WASL: variants seen among roughly 807,000 people sequenced by gnomAD.
WASL encodes WASP like actin nucleation promoting factor.
In WASL, 20 loss-of-function variants were observed where a neutral mutation model predicts 55.5. That is an observed-to-expected ratio of 0.36 (90% CI 0.25 to 0.52). The LOEUF is 0.52. Among genes scored for constraint, WASL ranks in the 20% least tolerant of loss-of-function variants. The probability of loss-of-function intolerance (pLI) is 0.92; values close to 1 mark genes in which losing one functional copy is unlikely to be tolerated. For synonymous variants in WASL, 249 were observed against 217.6 expected (o/e 1.14, Z -1.27); for missense variants, 504 against 622.5 (o/e 0.81, Z 2.03).
chr7:123,703,349 G>C (rs1351089937), intron 5 of WASL, among the ~76,000 whole-genome samples: 1 of 152,094 alleles, frequency 6.6e-6, no homozygotes, highest in Non-Finnish European at 1.5e-5. Context: ...GAGATAATAG[G>C]AGCTACTTCA....
intron 1 of WASL, among the ~76,000 whole-genome samples, chr7:123,715,045 C>T (rs964104692): frequency 2.0e-5 from 3 of 152,116 alleles, no homozygotes; most frequent in African/African-American, 7.2e-5. Context: ...TAAAGTAATA[C>T]AAAACACAGC....
chr7:123,713,764 T>A (rs1803796653), intron 1 of WASL, among the ~76,000 whole-genome samples: 1 of 152,186 alleles, frequency 6.6e-6, no homozygotes, highest in Non-Finnish European at 1.5e-5. Context: ...CCTTGAACAA[T>A]ATGGGTTTGA....
At chr7:123,706,041 C>T (rs1207771526) in intron 4 of WASL, among the ~76,000 whole-genome samples, 1 of 151,988 alleles carries the variant, frequency 6.6e-6, no homozygotes, top group Non-Finnish European at 1.5e-5. Context: ...TAAGGACCAC[C>T]AAATTTTTTT....
At chr7:123,692,260 C>T (rs949609277) in intron 9 of WASL, 87 bp downstream of exon 9, 4 of 1,479,634 alleles carry the variant, frequency 2.7e-6, no homozygotes, top group African/African-American at 2.9e-5. Flanking sequence ...AAAAAGAATA[C>T]ACTTTTCAAA....
At chr7:123,699,933 T>A (rs1321677407) in intron 5 of WASL, among the ~76,000 whole-genome samples, 1 of 151,966 alleles carries the variant, frequency 6.6e-6, no homozygotes, top group East Asian at 1.9e-4. Context: ...TCCCAGCACT[T>A]TGGGAGGCCG....
intron 6 of WASL, 44 bp from the exon 7 acceptor site, chr7:123,695,909 A>C (rs763230457): frequency 1.9e-6 from 3 of 1,575,818 alleles, no homozygotes; most frequent in Non-Finnish European, 2.6e-6. Context: ...AAAATGCATA[A>C]AGGGCATTAT....
At chr7:123,691,771 C>A (rs1473054803) in intron 9 of WASL, among the ~76,000 whole-genome samples, 2 of 152,170 alleles carry the variant, frequency 1.3e-5, no homozygotes, top group East Asian at 3.8e-4. Flanking sequence ...ACAACTCTTT[C>A]AATTTTTTTG....
At chr7:123,703,373 C>CA (rs1235403186) in intron 5 of WASL, among the ~76,000 whole-genome samples, 1 of 152,176 alleles carries the variant, frequency 6.6e-6, no homozygotes, top group East Asian at 1.9e-4. Flanking sequence ...GGTTGCTGTA[C>CA]AGTGCCTGGC....
chr7:123,714,318 T>C (rs2116796153), intron 1 of WASL, among the ~76,000 whole-genome samples: 1 of 152,258 alleles, frequency 6.6e-6, no homozygotes, highest in South Asian at 2.1e-4. Context: ...TCTTATCACC[T>C]GGTAATTTCT....
intron 10 of WASL, among the ~76,000 whole-genome samples, chr7:123,685,955 T>C (rs1215806138): frequency 1.3e-5 from 2 of 149,350 alleles, no homozygotes; most frequent in East Asian, 1.9e-4. Context: ...GGCTGAGTAA[T>C]TGTACTTGAT....
intron 10 of WASL, among the ~76,000 whole-genome samples, chr7:123,685,580 T>C (rs933281358): frequency 6.6e-6 from 1 of 152,028 alleles, no homozygotes; most frequent in African/African-American, 2.4e-5. Context: ...CATTTTACTT[T>C]CCTCATATCA....
intron 1 of WASL, among the ~76,000 whole-genome samples, chr7:123,721,378 T>C (rs1159487017): frequency 2.0e-5 from 3 of 152,168 alleles, no homozygotes; most frequent in Non-Finnish European, 4.4e-5. Flanking sequence ...TTGAGAGCCA[T>C]TTTATTTAAA....
At chr7:123,741,462 T>C (rs1007809682) in intron 1 of WASL, among the ~76,000 whole-genome samples, 1 of 152,196 alleles carries the variant, frequency 6.6e-6, no homozygotes, top group Non-Finnish European at 1.5e-5. Context: ...TAACAATGTA[T>C]ATCCTATTAC....
chr7:123,702,492 G>A (rs1803608006), intron 5 of WASL, among the ~76,000 whole-genome samples: 1 of 152,142 alleles, frequency 6.6e-6, no homozygotes, highest in Admixed American at 6.5e-5. Flanking sequence ...TTTTATAAAT[G>A]TTCAGCCCTC....
intron 2 of WASL, 78 bp from the exon 3 acceptor site, chr7:123,706,904 T>C: frequency 1.3e-6 from 1 of 793,164 alleles, no homozygotes; most frequent in South Asian, 2.1e-5. Flanking sequence ...ATGACTCATA[T>C]TAAGAAAACT....
Position 123,684,501 on chromosome 7 carries a change from A to T in WASL, c.*18T>A. Reference sequence around the variant, plus strand: ...AGTATTTCACCTTAAAAATATATATATATATATAATATATAGATCAGTCTT... The same window carrying T: ...AGTATTTCACCTTAAAAATATATATTTATATATAATATATAGATCAGTCTT... On this transcript the variant is annotated 3_prime_UTR_variant, in exon 11 of 11. Coordinates refer to ENST00000223023, the MANE Select transcript of WASL (RefSeq NM_003941.4). The T allele has an allele frequency of 1.7e-6, 1 of 578,260 alleles. No individual in the cohort carries two copies. The highest frequency in any genetic ancestry group is 2.8e-6 in the Non-Finnish European group (1 of 359,296). The allele number at this position is 578,260 out of a possible 1,614,324, so 35.8% of individuals were successfully genotyped here. A position where few individuals can be genotyped will look rare whatever the true frequency, so the allele number is the denominator to read the frequency against.
intron 1 of WASL, among the ~76,000 whole-genome samples, chr7:123,727,018 A>G (rs1463093573): frequency 1.3e-5 from 2 of 152,188 alleles, no homozygotes; most frequent in Non-Finnish European, 1.5e-5. Context: ...CTATGGGCAA[A>G]AGACCTGAAG....
At chr7:123,738,101 T>C (rs1029830899) in intron 1 of WASL, among the ~76,000 whole-genome samples, 2 of 152,072 alleles carry the variant, frequency 1.3e-5, no homozygotes, top group Non-Finnish European at 2.9e-5. Context: ...AAACTATGAA[T>C]TGAACAATAA....
rs1395196025 is a variant in WASL at position 123,692,688 on chromosome 7, G to C, written c.1006C>G (p.Pro336Ala). The change falls in exon 9 of 11, where the codon CCA becomes GCA. Residue 336 changes from proline (P) to alanine (A), a missense_variant. This residue lies in a region of WASL where 201 missense variants were observed against 206.2 expected (regional missense o/e 0.97). Coordinates refer to ENST00000223023, the MANE Select transcript of WASL (RefSeq NM_003941.4). The stretch of plus-strand genomic sequence containing the variant: ...GGGTACATCCTATTTGGCGGTGGTG[G>C]AGGGACTGCTACACTTGGCCTGGAA... The part of the protein sequence containing the change: ...PPSRPSVAVP[P>A]PPPNRMYPPP... 2.0e-6 allele frequency: 3 copies of C among 1,532,576 alleles called. No individual in the cohort carries two copies. The highest frequency in any genetic ancestry group is 1.4e-5 in the African/African-American group (1 of 71,902). 94.9% of individuals were successfully genotyped at this position (1,532,576 alleles called of 1,614,324 possible). A position where few individuals can be genotyped will look rare whatever the true frequency, so the allele number is the denominator to read the frequency against.
Sources: gnomAD v4.1 joint callset for allele counts (sites outside exome capture counted in the v4.1 genomes callset) on GRCh38, gnomAD v4.1.1 for gene constraint, gnomAD v4.1.1 regional missense constraint, MANE v1.5 for transcripts, NCBI Gene and HGNC (gene_info 2026-07-23, HGNC 2026-07-21) for gene names.